The following LNX2 variants were observed in gnomAD, a reference collection of about 807,000 sequenced individuals.
LNX2 encodes the protein ligand of numb-protein X 2.
In LNX2, 35 loss-of-function variants were observed where a neutral mutation model predicts 66.2. The observed-to-expected ratio is 0.53, with a 90% CI of 0.40 to 0.70. LNX2 has a LOEUF of 0.70. LNX2 is among the 30% of genes least tolerant of loss of function. The probability of loss-of-function intolerance (pLI) is 0.00; values close to 1 mark genes in which losing one functional copy is unlikely to be tolerated. For synonymous variants in LNX2, 337 were observed against 315.6 expected, an observed-to-expected ratio of 1.07 and a Z score of -0.72; for missense variants, 791 against 850.8, an observed-to-expected ratio of 0.93 and a Z score of 0.87.
intron 1 of LNX2, among the ~76,000 whole-genome samples, chr13:27,602,839 C>A (rs751179789): frequency 3.9e-5 from 6 of 151,958 alleles, no homozygotes. Flanking sequence ...ACATTTGATG[C>A]TGTCTTTTTA....
intron 1 of LNX2, among the ~76,000 whole-genome samples, chr13:27,591,559 C>A (rs574007145): frequency 6.6e-6 from 1 of 152,196 alleles, no homozygotes; most frequent in African/African-American, 2.4e-5. Context: ...ACTAATTATT[C>A]TTTTCCCTAA....
At position 27,569,057 on chromosome 13, in the gene LNX2, A is replaced by G; in HGVS notation, c.627T>C (p.Pro209=). The G allele has an allele frequency of 6.2e-7, 1 of 1,613,738 alleles. No homozygotes were observed. Among genetic ancestry groups the G allele is most frequent in the Admixed American group, 1.7e-5 (1 of 59,924 alleles). ...TWSEEPGLDN[P]AFEESAGADT... ...CAGCTCCAGCGCTCTCCTCAAAGGC[A>G]GGGTTGTCAAGGCCAGGCTCCTCAC... Residue 209 remains proline (P), a synonymous_variant, in exon 3 of 10, where the codon CCT becomes CCC. Coordinates refer to ENST00000316334, the MANE Select transcript of LNX2 (RefSeq NM_153371.4).
chr13:27,552,918 G>T (rs1281825689), intron 8 of LNX2, among the ~76,000 whole-genome samples: 1 of 152,202 alleles, frequency 6.6e-6, no homozygotes, highest in African/African-American at 2.4e-5. Context: ...CGGAATGAGT[G>T]CTGGTAAACG....
chr13:27,597,181 C>T (rs1457500648), intron 1 of LNX2, among the ~76,000 whole-genome samples: 1 of 152,160 alleles, frequency 6.6e-6, no homozygotes, highest in Non-Finnish European at 1.5e-5. Flanking sequence ...ACCATATCTT[C>T]CTAATTTCAC....
At chr13:27,595,577 C>G (rs1306044395) in intron 1 of LNX2, among the ~76,000 whole-genome samples, 1 of 152,200 alleles carries the variant, frequency 6.6e-6, no homozygotes, top group African/African-American at 2.4e-5. Flanking sequence ...CCTACTACTT[C>G]CTGATAATCT....
intron 1 of LNX2, among the ~76,000 whole-genome samples, chr13:27,586,885 C>A (rs1955493047): frequency 1.3e-5 from 2 of 152,128 alleles, no homozygotes; most frequent in African/African-American, 4.8e-5. Context: ...ACAGCCAGTG[C>A]AATAGGAAGG....
At chr13:27,615,243 T>A (rs1184076207) in intron 1 of LNX2, among the ~76,000 whole-genome samples, 1 of 152,230 alleles carries the variant, frequency 6.6e-6, no homozygotes, top group Non-Finnish European at 1.5e-5. Flanking sequence ...CTAGAGCAGC[T>A]CACAGAACTC....
intron 1 of LNX2, among the ~76,000 whole-genome samples, chr13:27,599,598 T>C (rs1456015408): frequency 6.6e-6 from 1 of 152,204 alleles, no homozygotes; most frequent in Non-Finnish European, 1.5e-5. Context: ...TAGTAATCCA[T>C]ATTTACAAAG....
intron 1 of LNX2, among the ~76,000 whole-genome samples, chr13:27,614,502 G>C (rs1463852382): frequency 6.9e-6 from 1 of 144,722 alleles, no homozygotes; most frequent in Non-Finnish European, 1.5e-5. Context: ...CCTTCCCCCA[G>C]ACTACCTTTG....
intron 1 of LNX2, among the ~76,000 whole-genome samples, chr13:27,588,021 CAAAAAAA>C (rs56812051): frequency 2.2e-4 from 21 of 93,516 alleles, no homozygotes; most frequent in Non-Finnish European, 4.2e-4. Context: ...ACTCTTGTCA[CAAAAAAA>C]AAAAAAAAAA....
Position 27,553,378 on chromosome 13 carries a change from A to T in LNX2, c.1608T>A (p.Val536=), listed in dbSNP as rs747739286. The T allele has an allele frequency of 6.2e-7, 1 of 1,614,178 alleles. No homozygotes were observed. The highest frequency in any genetic ancestry group is 1.1e-5 in the South Asian group (1 of 91,084). Reference sequence around the variant, plus strand: ...ACGCGGCACTGGCTTTCAGCATTGCAACTGCCTCACTGTGACTTAAATTGG... The same window carrying T: ...ACGCGGCACTGGCTTTCAGCATTGCTACTGCCTCACTGTGACTTAAATTGG... The part of the protein sequence containing the change: ...DLTNLSHSEA[V]AMLKASAASP... The change falls in exon 8 of 10, where the codon GTT becomes GTA. Residue 536 remains valine, a synonymous_variant. Coordinates refer to ENST00000316334, the MANE Select transcript of LNX2 (RefSeq NM_153371.4).
At position 27,562,532 on chromosome 13, in the gene LNX2, G is replaced by A; in HGVS notation, c.1105C>T (p.Leu369=). 1 of 1,614,090 alleles carries A rather than the reference G, an allele frequency of 6.2e-7. No individual in the cohort carries two copies. Among genetic ancestry groups the A allele is most frequent in the Non-Finnish European group, 8.5e-7 (1 of 1,180,016 alleles). ...TGGGCAGCCAACCCCCCTTCCAACAGGTCAAGAATAAAAACCCCTGGCTCA... is the reference window on the plus strand; with the variant it reads ...TGGGCAGCCAACCCCCCTTCCAACAAGTCAAGAATAAAAACCCCTGGCTCA... The part of the protein sequence containing the change: ...TDEPGVFILD[L]LEGGLAAQDG... Residue 369 remains leucine, a synonymous_variant, in exon 5 of 10, where the codon CTG becomes TTG. Coordinates refer to ENST00000316334, the MANE Select transcript of LNX2 (RefSeq NM_153371.4).
intron 2 of LNX2, among the ~76,000 whole-genome samples, chr13:27,571,600 T>A (rs1239150725): frequency 6.6e-6 from 1 of 152,142 alleles, no homozygotes; most frequent in Non-Finnish European, 1.5e-5. Flanking sequence ...ATACACTAAA[T>A]AGCACTGAAT....
At chr13:27,600,094 G>A (rs1165780675) in intron 1 of LNX2, among the ~76,000 whole-genome samples, 3 of 152,136 alleles carry the variant, frequency 2.0e-5, no homozygotes, top group African/African-American at 7.2e-5. Flanking sequence ...AATATGTGTT[G>A]GTTATCTGCT....
chr13:27,590,274 G>A (rs1462315355), intron 1 of LNX2, among the ~76,000 whole-genome samples: 1 of 151,424 alleles, frequency 6.6e-6, no homozygotes, highest in Admixed American at 6.6e-5. Context: ...TCACCCTGTT[G>A]CCCAGGCTGG....
chr13:27,551,063 C>T (rs999596189), intron 8 of LNX2, among the ~76,000 whole-genome samples: 15 of 152,130 alleles, frequency 9.9e-5, no homozygotes, highest in Admixed American at 3.3e-4. Context: ...TTAAGGGAGA[C>T]TCTAATTGCC....
At chr13:27,570,167 A>G (rs7986978) in intron 2 of LNX2, among the ~76,000 whole-genome samples, 86,604 of 151,930 alleles carry the variant, frequency 0.57, 25,162 homozygotes, top group African/African-American at 0.67. Context: ...AGGAGGACAA[A>G]AAGATTAGTG....
At chr13:27,559,292 A>C (rs1296563678) in intron 6 of LNX2, among the ~76,000 whole-genome samples, 1 of 152,182 alleles carries the variant, frequency 6.6e-6, no homozygotes, top group African/African-American at 2.4e-5. Flanking sequence ...TTAGGGTAAT[A>C]TTCCTCTAAG....
intron 1 of LNX2, among the ~76,000 whole-genome samples, chr13:27,598,204 T>TAAAA (rs10634128): frequency 1.4e-5 from 2 of 138,930 alleles, no homozygotes; most frequent in Non-Finnish European, 3.1e-5. Flanking sequence ...CAGCACTGTT[T>TAAAA]AAAAAAAAAA....
Sources: gnomAD v4.1 joint callset for allele counts (sites outside exome capture counted in the v4.1 genomes callset) on GRCh38, gnomAD v4.1.1 for gene constraint, MANE v1.5 for transcripts, NCBI Gene and HGNC (gene_info 2026-07-23, HGNC 2026-07-21) for gene names.